The following ANKAR variants were observed in gnomAD, a reference collection of about 807,000 sequenced individuals.
The protein encoded by ANKAR is ankyrin and armadillo repeat-containing protein.
ANKAR carries 136 observed loss-of-function variants against 146.2 expected under a neutral mutation model. That is an observed-to-expected ratio of 0.93 (90% CI 0.81 to 1.07). The LOEUF is 1.07. Ranked by LOEUF, ANKAR falls within the 50% of genes least tolerant of loss-of-function variation. The pLI is 0.00. For synonymous variants in ANKAR, 500 were observed against 575.8 expected, an observed-to-expected ratio of 0.87 and a Z score of 1.88; for missense variants, 1,567 against 1,679.9, an observed-to-expected ratio of 0.93 and a Z score of 1.18.
At chr2:189,737,009 A>C (rs926185245) in intron 17 of ANKAR, among the ~76,000 whole-genome samples, 17 of 151,724 alleles carry the variant, frequency 1.1e-4, no homozygotes, top group Non-Finnish European at 2.1e-4. Flanking sequence ...GGGAGGTGGA[A>C]ATTGCAGTGA....
chr2:189,713,437 AG>A, intron 10 of ANKAR, among the ~76,000 whole-genome samples: 1 of 152,370 alleles, frequency 6.6e-6, no homozygotes, highest in South Asian at 2.1e-4. Context: ...AAAATCTACA[AG>A]CCAGAAGAGA....
intron 9 of ANKAR, among the ~76,000 whole-genome samples, chr2:189,707,809 A>G (rs1348308083): frequency 1.7e-4 from 26 of 152,162 alleles, no homozygotes; most frequent in Admixed American, 1.6e-3. Flanking sequence ...TACAACAGCA[A>G]TAAACTATTG....
chr2:189,679,566 G>A (rs2034309474), intron 2 of ANKAR, among the ~76,000 whole-genome samples: 1 of 152,104 alleles, frequency 6.6e-6, no homozygotes, highest in South Asian at 2.1e-4. Flanking sequence ...TGCTTTCAGT[G>A]TTTTCCTGTT....
intron 11 of ANKAR, 23 bp from the exon 12 acceptor site, chr2:189,720,596 T>G (rs2041130236): frequency 7.7e-7 from 1 of 1,306,576 alleles, no homozygotes; most frequent in Admixed American, 3.0e-5. Flanking sequence ...AATTCAAATG[T>G]AATTTTTTTT....
intron 6 of ANKAR, 117 bp downstream of exon 6, chr2:189,695,278 AT>A (rs2037035960): frequency 1.2e-6 from 1 of 849,868 alleles, no homozygotes; most frequent in African/African-American, 1.7e-5. Flanking sequence ...TCAACATGAA[AT>A]AAAATGCCAC....
intron 18 of ANKAR, among the ~76,000 whole-genome samples, chr2:189,758,984 C>T (rs139045733): frequency 3.3e-5 from 5 of 152,274 alleles, no homozygotes; most frequent in East Asian, 1.9e-4. Flanking sequence ...AGCTGAGGCA[C>T]GGTAATAATA....
chr2:189,685,682 C>G (rs995694679), intron 2 of ANKAR, among the ~76,000 whole-genome samples: 1 of 152,164 alleles, frequency 6.6e-6, no homozygotes, highest in African/African-American at 2.4e-5. Flanking sequence ...ACTGGGAAGC[C>G]TGTCCCCCAG....
intron 7 of ANKAR, among the ~76,000 whole-genome samples, chr2:189,699,379 T>C (rs2037732831): frequency 1.3e-5 from 2 of 152,170 alleles, no homozygotes; most frequent in Non-Finnish European, 2.9e-5. Flanking sequence ...ATATTCATTA[T>C]ATTTCTTTTT....
chr2:189,693,065 A>G lies in ANKAR; in HGVS notation c.1204-9A>G. 1.4e-6 allele frequency: 2 copies of G among 1,381,834 alleles called. No individual in the cohort carries two copies. The highest frequency in any genetic ancestry group is 2.9e-5 in the African/African-American group (2 of 68,068). The allele number at this position is 1,381,834 out of a possible 1,614,324, so 85.6% of individuals were successfully genotyped here. ...GGATATGTCTTTAGTAACATAACTC[A>G]TATTTTAGAAAAATTTAGAAAAAAT... On this transcript the variant is annotated splice_polypyrimidine_tract_variant and intron_variant, in intron 4 of 22. Coordinates refer to ENST00000684021, the MANE Select transcript of ANKAR (RefSeq NM_001378068.1).
intron 13 of ANKAR, 35 bp downstream of exon 13, chr2:189,728,132 G>A: frequency 6.4e-7 from 1 of 1,558,686 alleles, no homozygotes; most frequent in Non-Finnish European, 8.7e-7. Context: ...ATTTTTCTTA[G>A]ATGATGTTTT....
intron 18 of ANKAR, among the ~76,000 whole-genome samples, chr2:189,759,580 A>G (rs2046670264): frequency 6.6e-6 from 1 of 152,158 alleles, no homozygotes; most frequent in East Asian, 1.9e-4. Flanking sequence ...GTGAAAACAG[A>G]ATCAGAGAGG....
chr2:189,685,964 G>A (rs1418837060), intron 2 of ANKAR, among the ~76,000 whole-genome samples: 2 of 152,070 alleles, frequency 1.3e-5, no homozygotes, highest in African/African-American at 2.4e-5. Context: ...TTGCACCATG[G>A]CCTGTCCTTC....
At chr2:189,751,988 C>CA (rs558174961) in intron 18 of ANKAR, among the ~76,000 whole-genome samples, 2 of 151,046 alleles carry the variant, frequency 1.3e-5, no homozygotes, top group African/African-American at 4.9e-5. Context: ...ACTAAAAATA[C>CA]AAAAAATGAG....
At chr2:189,710,101 A>C (rs1182692355) in intron 9 of ANKAR, among the ~76,000 whole-genome samples, 1 of 152,226 alleles carries the variant, frequency 6.6e-6, no homozygotes, top group Non-Finnish European at 1.5e-5. Flanking sequence ...TCTCAGGATT[A>C]GTTCTTGGAG....
intron 19 of ANKAR, among the ~76,000 whole-genome samples, chr2:189,739,107 G>C (rs947489546): frequency 1.3e-5 from 2 of 152,162 alleles, no homozygotes; most frequent in African/African-American, 4.8e-5. Flanking sequence ...TTACATCGCT[G>C]TGCAACAAAG....
At position 189,695,087 on chromosome 2, in the gene ANKAR, C is replaced by T; in HGVS notation, c.1414C>T (p.Leu472Phe). ...EIVNNLRLKRLPLTDAQLHEQ... is the reference protein window; with the variant it reads ...EIVNNLRLKRFPLTDAQLHEQ... ...AGTGAACAATCTGAGACTGAAAAGA[C>T]TTCCACTGACAGATGCTCAATTACA... Residue 472 changes from leucine (L) to phenylalanine (F), a missense_variant, in exon 6 of 23, where the codon CTT becomes TTT. By Grantham distance (22) the Leu-to-Phe change is conservative. Transcript: ENST00000684021. The T allele has an allele frequency of 1.2e-6, 2 of 1,612,950 alleles. No homozygotes were observed. The highest frequency in any genetic ancestry group is 1.7e-6 in the Non-Finnish European group (2 of 1,179,486).
chr2:189,758,666 C>T (rs780016850), intron 18 of ANKAR, among the ~76,000 whole-genome samples: 7 of 152,186 alleles, frequency 4.6e-5, no homozygotes, highest in Admixed American at 4.6e-4. Context: ...GAAGGCCTAA[C>T]GAAAGGCCAC....
At chr2:189,675,029 C>A (rs2033299345) in intron 1 of ANKAR, among the ~76,000 whole-genome samples, 199 bp downstream of exon 1, 1 of 152,184 alleles carries the variant, frequency 6.6e-6, no homozygotes, top group South Asian at 2.1e-4. Flanking sequence ...GTCTGACTCA[C>A]TGACCTGGGG....
At chr2:189,697,130 A>G (rs1391161724) in intron 7 of ANKAR, among the ~76,000 whole-genome samples, 3 of 151,932 alleles carry the variant, frequency 2.0e-5, no homozygotes, top group Admixed American at 6.6e-5. Flanking sequence ...GTGGCTCACT[A>G]CTGTCTTGCC....
Sources: gnomAD v4.1 joint callset for allele counts (sites outside exome capture counted in the v4.1 genomes callset) on GRCh38, gnomAD v4.1.1 for gene constraint, MANE v1.5 for transcripts, NCBI Gene and HGNC (gene_info 2026-07-23, HGNC 2026-07-21) for gene names.